MEIS1: variants seen among roughly 807,000 people sequenced by gnomAD.
MEIS1 encodes Meis homeobox 1, also known as homeobox protein Meis1.
MEIS1 carries 5 observed loss-of-function variants against 50.8 expected under a neutral mutation model. That is an observed-to-expected ratio of 0.10 (90% CI 0.05 to 0.21). The LOEUF is 0.21. MEIS1 is among the 10% of genes least tolerant of loss of function. The pLI, the probability that MEIS1 is intolerant of heterozygous loss-of-function variation, is 1.00. For synonymous variants in MEIS1, 176 were observed against 179.3 expected (o/e 0.98, Z 0.15); for missense variants, 318 against 517.3 (o/e 0.61, Z 3.74).
At chr2:66,482,786 C>A (rs181381335) in intron 7 of MEIS1, among the ~76,000 whole-genome samples, 230 of 152,262 alleles carry the variant, frequency 1.5e-3, no homozygotes, top group African/African-American at 5.3e-3. Flanking sequence ...CACATATTTC[C>A]CAATGTTGCT....
chr2:66,469,119 G>T (rs1232697520), intron 7 of MEIS1, among the ~76,000 whole-genome samples: 1 of 151,828 alleles, frequency 6.6e-6, no homozygotes, highest in Non-Finnish European at 1.5e-5. Context: ...TTTAATGATT[G>T]CTGGAATCTC....
intron 7 of MEIS1, among the ~76,000 whole-genome samples, chr2:66,509,727 T>C (rs1673777762): frequency 6.6e-6 from 1 of 152,222 alleles, no homozygotes; most frequent in African/African-American, 2.4e-5. Context: ...AGCCTTCCTC[T>C]CCTAATGGAG....
intron 6 of MEIS1, among the ~76,000 whole-genome samples, chr2:66,455,505 A>G (rs976477477): frequency 1.3e-5 from 2 of 152,222 alleles, no homozygotes; most frequent in African/African-American, 2.4e-5. Context: ...TCTGCTTAGC[A>G]TAGTTGATTC....
At chr2:66,513,316 T>C (rs542339670) in intron 8 of MEIS1, among the ~76,000 whole-genome samples, 4 of 152,260 alleles carry the variant, frequency 2.6e-5, no homozygotes, top group African/African-American at 9.6e-5. Context: ...TTAGCTTGCT[T>C]TTCCTAAAGT....
chr2:66,518,788 T>TTCATGTG (rs1674035636), intron 8 of MEIS1, among the ~76,000 whole-genome samples: 1 of 152,188 alleles, frequency 6.6e-6, no homozygotes, highest in African/African-American at 2.4e-5. Flanking sequence ...TTTCTTCATG[T>TTCATGTG]TTAAGATTCC....
At chr2:66,476,465 C>A (rs1672894571) in intron 7 of MEIS1, among the ~76,000 whole-genome samples, 1 of 152,150 alleles carries the variant, frequency 6.6e-6, no homozygotes, top group Non-Finnish European at 1.5e-5. Flanking sequence ...GCATACCGGT[C>A]CTCTGCTAAA....
intron 7 of MEIS1, among the ~76,000 whole-genome samples, chr2:66,494,908 G>A (rs574075586): frequency 1.3e-5 from 2 of 152,178 alleles, no homozygotes; most frequent in South Asian, 2.1e-4. Flanking sequence ...GTTTGGGGAA[G>A]TAGGGGAACT....
intron 8 of MEIS1, among the ~76,000 whole-genome samples, chr2:66,522,050 C>A (rs1674135479): frequency 6.6e-6 from 1 of 152,154 alleles, no homozygotes; most frequent in African/African-American, 2.4e-5. Context: ...CAGAAACATG[C>A]AAGGCATTAA....
intron 8 of MEIS1, among the ~76,000 whole-genome samples, chr2:66,533,345 T>C (rs1396058503): frequency 6.6e-6 from 1 of 152,182 alleles, no homozygotes; most frequent in Non-Finnish European, 1.5e-5. Flanking sequence ...ATAGACTTTA[T>C]AATATAGAAT....
intron 7 of MEIS1, among the ~76,000 whole-genome samples, chr2:66,505,265 G>C (rs1267299337): frequency 6.6e-6 from 1 of 152,114 alleles, no homozygotes; most frequent in Non-Finnish European, 1.5e-5. Context: ...AAATTAGCTG[G>C]TGTGGTGCCA....
intron 7 of MEIS1, among the ~76,000 whole-genome samples, chr2:66,497,500 T>C (rs1383609018): frequency 6.6e-6 from 1 of 152,214 alleles, no homozygotes; most frequent in Non-Finnish European, 1.5e-5. Flanking sequence ...GTTAGTCCTG[T>C]TTTTCGGTAG....
intron 7 of MEIS1, among the ~76,000 whole-genome samples, chr2:66,481,208 T>C (rs998817564): frequency 6.6e-6 from 1 of 152,168 alleles, no homozygotes. Context: ...ACATTCTTCC[T>C]ACTACTCACT....
At chr2:66,551,137 T>C (rs1674909226) in intron 9 of MEIS1, among the ~76,000 whole-genome samples, 1 of 152,212 alleles carries the variant, frequency 6.6e-6, no homozygotes, top group Non-Finnish European at 1.5e-5. Context: ...TATAAACTCA[T>C]GTCTAGTTGT....
intron 6 of MEIS1, among the ~76,000 whole-genome samples, chr2:66,460,385 C>A (rs984329023): frequency 3.9e-5 from 6 of 152,094 alleles, no homozygotes; most frequent in Non-Finnish European, 8.8e-5. Flanking sequence ...TCAGAAAAAA[C>A]CCCAAACAAC....
intron 7 of MEIS1, among the ~76,000 whole-genome samples, chr2:66,465,471 G>A (rs531372684): frequency 6.6e-6 from 1 of 152,214 alleles, no homozygotes; most frequent in East Asian, 1.9e-4. Context: ...GTATGTATGT[G>A]TTATGGCGTT....
chr2:66,487,915 T>C (rs570853387), intron 7 of MEIS1, among the ~76,000 whole-genome samples: 14 of 152,324 alleles, frequency 9.2e-5, no homozygotes, highest in African/African-American at 3.4e-4. Context: ...TTCCACATAA[T>C]TTCATGGTCA....
chr2:66,447,103 G>A (rs895830836), intron 6 of MEIS1, among the ~76,000 whole-genome samples: 1 of 152,170 alleles, frequency 6.6e-6, no homozygotes, highest in African/African-American at 2.4e-5. Flanking sequence ...ACAACCTAAT[G>A]TCCTGCATGG....
Position 66,437,888 on chromosome 2 carries a change from A to T in MEIS1, c.164A>T (p.His55Leu), listed in dbSNP as rs1419561639. 6.2e-7 allele frequency: 1 copy of T among 1,611,346 alleles called. No individual in the cohort carries two copies. The highest frequency in any genetic ancestry group is 8.5e-7 in the Non-Finnish European group (1 of 1,178,644). The stretch of plus-strand genomic sequence containing the variant: ...TCGCATCAGTACCCGCACACAGCTC[A>T]TACCAACGCCATGGCCCCCAGCATG... ...LHSHQYPHTA[H>L]TNAMAPSMGS... Residue 55 changes from histidine (H) to leucine (L), a missense_variant, in exon 2 of 13, where the codon CAT (histidine) becomes CTT (leucine). His to Leu is a moderately conservative substitution (Grantham distance 99). Transcript: ENST00000272369.
Position 66,545,918 on chromosome 2 carries a change from T to C in MEIS1, c.889-2025T>C, listed in dbSNP as rs377298558. Among the ~76,000 whole-genome samples the C allele has an allele frequency of 1.1e-3, 164 of 152,360 alleles. No homozygotes were observed. The Middle Eastern group carries it at 0.014, about 13-fold the overall frequency. ...CTTAAATTGGATTGTTTCTGCTTTGTTATACAATTTGATGTTGCATCTGAG... is the reference window on the plus strand; with the variant it reads ...CTTAAATTGGATTGTTTCTGCTTTGCTATACAATTTGATGTTGCATCTGAG... On this transcript the variant is annotated intron_variant, in intron 8 of 12. Coordinates refer to ENST00000272369, the MANE Select transcript of MEIS1 (RefSeq NM_002398.3).
Sources: gnomAD v4.1 joint callset for allele counts (sites outside exome capture counted in the v4.1 genomes callset) on GRCh38, gnomAD v4.1.1 for gene constraint, MANE v1.5 for transcripts, NCBI Gene and HGNC (gene_info 2026-07-23, HGNC 2026-07-21) for gene names.